ADAM2: variants seen among roughly 807,000 people sequenced by gnomAD.
ADAM2 encodes the protein disintegrin and metalloproteinase domain-containing protein 2.
A neutral mutation model predicts 99.3 loss-of-function variants in ADAM2; 101 were observed. That is an observed-to-expected ratio of 1.02 (90% CI 0.87 to 1.20). The LOEUF is 1.20. ADAM2 is among the 50% of genes most tolerant of loss of function. ADAM2 has a pLI of 0.00. For missense variants in ADAM2, 948 were observed against 878.7 expected, an observed-to-expected ratio of 1.08 and a Z score of -1.00; for synonymous variants, 323 against 287.6, an observed-to-expected ratio of 1.12 and a Z score of -1.25.
intron 6 of ADAM2, among the ~76,000 whole-genome samples, chr8:39,818,878 T>C (rs1240374378): frequency 1.3e-5 from 2 of 151,948 alleles, no homozygotes; most frequent in East Asian, 1.9e-4. Context: ...ATATAAAACA[T>C]TGCAGAAATA....
At chr8:39,819,619 T>G (rs905043584) in intron 6 of ADAM2, among the ~76,000 whole-genome samples, 3 of 152,124 alleles carry the variant, frequency 2.0e-5, no homozygotes, top group African/African-American at 7.2e-5. Context: ...TCCAATCAGT[T>G]AAAGCCGTTT....
Position 39,749,323 on chromosome 8 carries a change from G to A in ADAM2, c.2003C>T (p.Ala668Val), listed in dbSNP as rs376114634. Residue 668 changes from alanine (A) to valine (V), a missense_variant, in exon 18 of 21, where the codon GCC becomes GTC. Physicochemically the swap from Ala to Val is moderately conservative, Grantham distance 64. Transcript: ENST00000265708. The stretch of plus-strand genomic sequence containing the variant: ...TTATTAATACTTACCAGGGAGTCTG[G>A]CTGGTATAGCTACAGGTGGAAAATT... Reference protein sequence around the residue: ...SGNFPPVAIPARLPERRYIEN... With the variant: ...SGNFPPVAIPVRLPERRYIEN... 21 of 1,610,830 alleles carry A rather than the reference G, an allele frequency of 1.3e-5. No individual in the cohort carries two copies. The African/African-American group carries it at 2.4e-4, about 18-fold the overall frequency.
At chr8:39,829,721 G>A (rs1021536097) in intron 3 of ADAM2, among the ~76,000 whole-genome samples, 30 of 151,912 alleles carry the variant, frequency 2.0e-4, no homozygotes, top group African/African-American at 5.8e-4. Flanking sequence ...AACCAAACTA[G>A]ACAGAAACAA....
chr8:39,825,338 A>G (rs1378765321), intron 3 of ADAM2, among the ~76,000 whole-genome samples: 1 of 152,170 alleles, frequency 6.6e-6, no homozygotes, highest in Non-Finnish European at 1.5e-5. Flanking sequence ...GTTTTTGCCC[A>G]AGCATATATT....
Position 39,795,721 on chromosome 8 carries a change from CT to C in ADAM2, c.571-6982del, listed in dbSNP as rs1803910006. Among the ~76,000 whole-genome samples, 24 of 152,262 alleles carry C rather than the reference CT, an allele frequency of 1.6e-4. 1 individual carries two copies. The South Asian group carries it at 3.9e-3, about 25-fold the overall frequency. Reference sequence around the variant, plus strand: ...CCTAAGACTGTGTTAAGGGCATGTTCTTAACCTTGGCAAAACAAACTTTCTA... The same window carrying C: ...CCTAAGACTGTGTTAAGGGCATGTTCTAACCTTGGCAAAACAAACTTTCTA... On this transcript the variant is annotated intron_variant, in intron 7 of 20. Coordinates refer to ENST00000265708, the MANE Select transcript of ADAM2 (RefSeq NM_001464.5).
intron 11 of ADAM2, chr8:39,774,555 G>A (rs1399162214): frequency 6.6e-6 from 1 of 151,848 alleles, no homozygotes; most frequent in South Asian, 2.1e-4. Flanking sequence ...GGTGCAATTA[G>A]AAAAACAATA....
At position 39,788,221 on chromosome 8, in the gene ADAM2, G is replaced by A; in HGVS notation, c.673C>T (p.Leu225=). The A allele has an allele frequency of 2.0e-6, 3 of 1,535,202 alleles. No homozygotes were observed. Among genetic ancestry groups the A allele is most frequent in the East Asian group, 4.8e-5 (2 of 41,898 alleles). ...IFVSFNITII[L]SSLELWIDEN... is the part of the protein sequence containing the mutation. ...TCTATCCAAAGCTCCAATGAAGACAGAATAATTGTAATATTAAATGAAACA... is the reference window on the plus strand; with the variant it reads ...TCTATCCAAAGCTCCAATGAAGACAAAATAATTGTAATATTAAATGAAACA... The change falls in exon 9 of 21, where the codon CTG becomes TTG. Residue 225 remains leucine (L), a synonymous_variant. Transcript: ENST00000265708.
At chr8:39,753,017 T>C (rs904933705) in intron 16 of ADAM2, among the ~76,000 whole-genome samples, 2 of 152,108 alleles carry the variant, frequency 1.3e-5, no homozygotes, top group Non-Finnish European at 2.9e-5. Flanking sequence ...AGTGCTGCTG[T>C]GAAAATACTA....
intron 4 of ADAM2, among the ~76,000 whole-genome samples, chr8:39,823,481 C>G (rs1159473969): frequency 6.6e-6 from 1 of 151,882 alleles, no homozygotes; most frequent in Non-Finnish European, 1.5e-5. Flanking sequence ...CAACTACTTA[C>G]CACATTCAGA....
chr8:39,756,339 A>G (rs1320342970), intron 15 of ADAM2, among the ~76,000 whole-genome samples: 1 of 152,230 alleles, frequency 6.6e-6, no homozygotes, highest in Non-Finnish European at 1.5e-5. Context: ...CATATTAATT[A>G]ACAAAAATAA....
In ADAM2 at chr8:39,766,851, T is replaced by G; in HGVS notation, c.1504A>C (p.Lys502Gln). The G allele has an allele frequency of 6.3e-7, 1 of 1,578,200 alleles. No individual in the cohort carries two copies. Among genetic ancestry groups the G allele is most frequent in the South Asian group, 1.2e-5 (1 of 86,806 alleles). Residue 502 changes from lysine to glutamine, a missense_variant, in exon 14 of 21, where the codon AAA (lysine) becomes CAA (glutamine). Physicochemically the swap from Lys to Gln is moderately conservative, Grantham distance 53. Transcript: ENST00000265708. ...GAAATCAAATGATAATAAATACCTT[T>G]GCCAAATGTGTCTGTACATTGTTTA... The part of the protein sequence containing the change: ...GDKQCTDTFG[K>Q]EVEFGPSECY...
chr8:39,776,208 C>A (rs975850040), intron 11 of ADAM2, among the ~76,000 whole-genome samples: 2 of 152,094 alleles, frequency 1.3e-5, no homozygotes, highest in Non-Finnish European at 2.9e-5. Context: ...ACAATCCTTT[C>A]ATAAAGGTTT....
intron 10 of ADAM2, among the ~76,000 whole-genome samples, chr8:39,780,534 C>A (rs1271038820): frequency 6.6e-6 from 1 of 152,096 alleles, no homozygotes; most frequent in Non-Finnish European, 1.5e-5. Flanking sequence ...CTCTGCCACC[C>A]AATAATTGCA....
intron 16 of ADAM2, among the ~76,000 whole-genome samples, chr8:39,755,174 A>G (rs1364617094): frequency 1.3e-5 from 2 of 152,228 alleles, no homozygotes; most frequent in African/African-American, 4.8e-5. Flanking sequence ...TTAATAAAAT[A>G]CAGTAAATGA....
At chr8:39,778,325 A>T (rs1429506008) in intron 10 of ADAM2, among the ~76,000 whole-genome samples, 1 of 151,942 alleles carries the variant, frequency 6.6e-6, no homozygotes, top group African/African-American at 2.4e-5. Context: ...ACACAAATGG[A>T]TTATGTCAGA....
intron 10 of ADAM2, among the ~76,000 whole-genome samples, chr8:39,779,861 G>A (rs953940996): frequency 6.6e-5 from 10 of 151,920 alleles, no homozygotes; most frequent in Admixed American, 1.3e-4. Flanking sequence ...AAAAACACTC[G>A]TCTCTAATTT....
chr8:39,790,540 G>T (rs1206822620), intron 7 of ADAM2, among the ~76,000 whole-genome samples: 2 of 151,976 alleles, frequency 1.3e-5, no homozygotes, highest in East Asian at 3.9e-4. Context: ...AGGGCAGAGG[G>T]ATTGGGAGTA....
chr8:39,827,090 C>G (rs1037055281), intron 3 of ADAM2, among the ~76,000 whole-genome samples: 2 of 152,074 alleles, frequency 1.3e-5, no homozygotes, highest in Non-Finnish European at 2.9e-5. Flanking sequence ...AATAGACTTT[C>G]TCAAAAGAAG....
chr8:39,798,784 A>G (rs1420641543), intron 7 of ADAM2, among the ~76,000 whole-genome samples: 1 of 152,192 alleles, frequency 6.6e-6, no homozygotes, highest in Non-Finnish European at 1.5e-5. Context: ...GTATGCATCC[A>G]GGAACTTATC....
Sources: gnomAD v4.1 joint callset for allele counts (sites outside exome capture counted in the v4.1 genomes callset) on GRCh38, gnomAD v4.1.1 for gene constraint, MANE v1.5 for transcripts, NCBI Gene and HGNC (gene_info 2026-07-23, HGNC 2026-07-21) for gene names.